The following AHCY variants were observed in gnomAD, a reference collection of about 807,000 sequenced individuals.
AHCY encodes adenosylhomocysteinase, also known as S-adenosyl-L-homocysteine hydrolase.
Under a neutral mutation model 45.4 loss-of-function variants are expected in AHCY, and 24 were observed. That is an observed-to-expected ratio of 0.53 (90% CI 0.38 to 0.74). The LOEUF (loss-of-function observed/expected upper bound fraction) is 0.74, where lower values mean the gene tolerates loss of function less well. AHCY is among the 30% of genes least tolerant of loss of function. The pLI is 0.00. For missense variants in AHCY, 449 were observed against 594.1 expected (o/e 0.76, Z 2.54); for synonymous variants, 245 against 235.1 (o/e 1.04, Z -0.39).
chr20:34,284,526 CAT>C (rs1338584663), intron 9 of AHCY, among the ~76,000 whole-genome samples: 1 of 152,170 alleles, frequency 6.6e-6, no homozygotes, highest in Non-Finnish European at 1.5e-5. Context: ...AGCTTATACA[CAT>C]GTCCAAGTTA....
At chr20:34,243,522 T>G in the AHCY span, among the ~76,000 whole-genome samples, 3 of 152,180 alleles carry the variant, frequency 2.0e-5, no homozygotes, top group African/African-American at 7.2e-5. Context: ...TAACATCCAC[T>G]GCTGGCTAGC....
the AHCY span, among the ~76,000 whole-genome samples, chr20:34,237,493 T>C: frequency 5.3e-5 from 8 of 152,244 alleles, no homozygotes; most frequent in Non-Finnish European, 8.8e-5. Flanking sequence ...ATGTAACTGA[T>C]ATAACTTTGT....
At chr20:34,292,017 A>C (rs2036413341) in intron 4 of AHCY, among the ~76,000 whole-genome samples, 1 of 152,202 alleles carries the variant, frequency 6.6e-6, no homozygotes, top group Non-Finnish European at 1.5e-5. Flanking sequence ...GCTCACTGCT[A>C]TCCTGTGGGC....
chr20:34,237,986 A>G, the AHCY span, among the ~76,000 whole-genome samples: 18,536 of 152,150 alleles, frequency 0.12, 1,251 homozygotes, highest in East Asian at 0.32. Context: ...TCTGGCCTCC[A>G]AAGTTTCTGA....
chr20:34,298,246 C>T (rs909398747), intron 1 of AHCY, among the ~76,000 whole-genome samples: 1 of 152,016 alleles, frequency 6.6e-6, no homozygotes, highest in Non-Finnish European at 1.5e-5. Context: ...AAATATAAAA[C>T]AAGAATAGTT....
At chr20:34,299,601 G>C (rs1474631273) in intron 1 of AHCY, among the ~76,000 whole-genome samples, 1 of 152,114 alleles carries the variant, frequency 6.6e-6, no homozygotes, top group Non-Finnish European at 1.5e-5. Flanking sequence ...CTACTCCCCT[G>C]AACTTGAGAC....
At chr20:34,274,928 G>A in the AHCY span, among the ~76,000 whole-genome samples, 1 of 152,122 alleles carries the variant, frequency 6.6e-6, no homozygotes, top group African/African-American at 2.4e-5. Flanking sequence ...CTCCAGCCTG[G>A]ATGACAAAAT....
the AHCY span, among the ~76,000 whole-genome samples, chr20:34,269,844 T>G: frequency 6.9e-6 from 1 of 145,976 alleles, no homozygotes; most frequent in South Asian, 2.2e-4. Flanking sequence ...CTTGGGAGGC[T>G]GAGGCAGGAG....
chr20:34,276,854 A>ACAC (rs751119184), downstream of AHCY, among the ~76,000 whole-genome samples: 1 of 152,106 alleles, frequency 6.6e-6, no homozygotes, highest in Non-Finnish European at 1.5e-5. Flanking sequence ...GGACCACTGC[A>ACAC]CACCCCTGGC....
At chr20:34,239,209 TCTC>T in the AHCY span, among the ~76,000 whole-genome samples, 1 of 151,776 alleles carries the variant, frequency 6.6e-6, no homozygotes, top group Admixed American at 6.6e-5. Flanking sequence ...ATGTTCCTCT[TCTC>T]CTCCCAACCC....
chr20:34,269,052 C>T, the AHCY span: 1 of 1,602,158 alleles, frequency 6.2e-7, no homozygotes, highest in Non-Finnish European at 8.5e-7. Flanking sequence ...CCCTGCGTGG[C>T]CACCCGCAAC....
the AHCY span, chr20:34,250,117 T>G: frequency 6.6e-6 from 1 of 152,272 alleles, no homozygotes; most frequent in Admixed American, 6.5e-5. Context: ...CCCAGGTCTC[T>G]GGCCATTGGT....
the AHCY span, among the ~76,000 whole-genome samples, chr20:34,235,786 G>GAAGAAAGA: frequency 8.4e-3 from 516 of 61,374 alleles, 23 homozygotes; most frequent in Non-Finnish European, 0.011. Flanking sequence ...CTCTGAGAAA[G>GAAGAAAGA]AAGAAAGAAA....
Position 34,295,512 on chromosome 20 carries a change from A to C in AHCY, c.102T>G (p.Arg34=), listed in dbSNP as rs1454436745. ...TGGAGGCCGAGTACCGCTCCCGCAT[A>C]CGCATCAGGCCCGGCATCTCGTTCT... ...IAENEMPGLM[R]MRERYSASKP... is the part of the protein sequence containing the mutation. Residue 34 remains arginine (R), a synonymous_variant, in exon 2 of 10, where the codon CGT becomes CGG. Coordinates refer to ENST00000217426, the MANE Select transcript of AHCY (RefSeq NM_000687.4). 9.3e-6 allele frequency: 15 copies of C among 1,614,066 alleles called. No homozygotes were observed. Among genetic ancestry groups the C allele is most frequent in the Non-Finnish European group, 1.1e-5 (13 of 1,180,014 alleles).
At chr20:34,282,067 T>G (rs1019934777) in intron 9 of AHCY, among the ~76,000 whole-genome samples, 5 of 152,212 alleles carry the variant, frequency 3.3e-5, no homozygotes, top group Admixed American at 2.0e-4. Flanking sequence ...TCTTTGATAC[T>G]CCTTTAAGAA....
intron 4 of AHCY, 79 bp downstream of exon 4, chr20:34,292,279 C>A: frequency 6.5e-7 from 1 of 1,528,494 alleles, no homozygotes; most frequent in Non-Finnish European, 8.9e-7. Context: ...GGAGTCCTGC[C>A]AGGCCTGCGG....
chr20:34,305,821 A>C (rs1027339787), upstream of AHCY, among the ~76,000 whole-genome samples: 4 of 152,122 alleles, frequency 2.6e-5, no homozygotes, highest in African/African-American at 9.7e-5. Context: ...AGTGACTCAC[A>C]CCTGTAATCC....
chr20:34,270,467 T>C, the AHCY span, among the ~76,000 whole-genome samples: 1 of 152,270 alleles, frequency 6.6e-6, no homozygotes, highest in Non-Finnish European at 1.5e-5. Flanking sequence ...GTAAATGTCA[T>C]ATTGGGAAGA....
At chr20:34,246,456 G>A in the AHCY span, 24 of 1,401,910 alleles carry the variant, frequency 1.7e-5, no homozygotes, top group East Asian at 2.3e-4. Context: ...TAAAGGACTC[G>A]AAGTGGGTAA....
Sources: gnomAD v4.1 joint callset for allele counts (sites outside exome capture counted in the v4.1 genomes callset) on GRCh38, gnomAD v4.1.1 for gene constraint, MANE v1.5 for transcripts, NCBI Gene and HGNC (gene_info 2026-07-23, HGNC 2026-07-21) for gene names.